Variants in ACER2 observed in about 807,000 individuals in gnomAD.
ACER2 encodes the protein alkaline ceramidase 2.
ACER2 carries 26 observed loss-of-function variants against 34.7 expected under a neutral mutation model. The ratio of observed to expected loss-of-function variants is 0.75; its 90% confidence interval spans 0.55 to 1.04. The LOEUF (loss-of-function observed/expected upper bound fraction) is 1.04, where lower values mean the gene tolerates loss of function less well. ACER2 is among the 50% of genes least tolerant of loss of function. The probability of loss-of-function intolerance (pLI) is 0.00; values close to 1 mark genes in which losing one functional copy is unlikely to be tolerated. For missense variants in ACER2, 352 were observed against 340.8 expected, an observed-to-expected ratio of 1.03 and a Z score of -0.26; for synonymous variants, 138 against 132.1, an observed-to-expected ratio of 1.04 and a Z score of -0.31.
At chr9:19,424,923 C>T in intron 3 of ACER2, 82 bp downstream of exon 3, 1 of 1,532,144 alleles carries the variant, frequency 6.5e-7, no homozygotes, top group East Asian at 2.3e-5. Flanking sequence ...AAAAATAGCA[C>T]ATGATTGAAC....
In ACER2 at chr9:19,413,671, C is replaced by G. The variant is rs565040436; in HGVS notation, c.108+4479C>G. Among the ~76,000 whole-genome samples the G allele has an allele frequency of 2.7e-4, 41 of 152,026 alleles. 1 individual carries two copies. The South Asian group carries it at 8.5e-3, about 32-fold the overall frequency. On this transcript the variant is annotated intron_variant, in intron 1 of 5. Transcript: ENST00000340967. ...AGACCTAGCCACTTTGGAGAAAAGC[C>G]GGGTCTGCCTTTTACCTGAGCTTGG...
intron 4 of ACER2, among the ~76,000 whole-genome samples, chr9:19,436,852 G>A (rs1314074873): frequency 6.6e-6 from 1 of 152,138 alleles, no homozygotes; most frequent in Admixed American, 6.5e-5. Context: ...CTTAGGCTGT[G>A]CTAATGGCCT....
At position 19,409,242 on chromosome 9, in the gene ACER2, G is replaced by A. The variant is rs565095485; in HGVS notation, c.108+50G>A. On this transcript the variant is annotated intron_variant, in intron 1 of 5. Transcript: ENST00000340967. The stretch of plus-strand genomic sequence containing the variant: ...GCAGGCGGGCCAGCGGGAGGGGGCT[G>A]TTCCCGCGCCGCAGCGTCTGGAAGC... 30 of 1,518,388 alleles carry A rather than the reference G, an allele frequency of 2.0e-5. No homozygotes were observed. In the South Asian group the frequency reaches 3.6e-4, roughly 18 times the overall value. The allele number at this position is 1,518,388 out of a possible 1,614,324, so 94.1% of individuals were successfully genotyped here. A position where few individuals can be genotyped will look rare whatever the true frequency, so the allele number is the denominator to read the frequency against.
At chr9:19,413,061 T>C (rs192494389) in intron 1 of ACER2, among the ~76,000 whole-genome samples, 173 of 152,352 alleles carry the variant, frequency 1.1e-3, no homozygotes, top group African/African-American at 3.8e-3. Context: ...TATTGTGAAA[T>C]GGCACACTAA....
chr9:19,437,343 T>C (rs1831009818), intron 4 of ACER2, among the ~76,000 whole-genome samples: 2 of 152,174 alleles, frequency 1.3e-5, no homozygotes, highest in South Asian at 4.1e-4. Context: ...TCTGACTCCA[T>C]TACACTTGAA....
chr9:19,418,733 T>C (rs1830314664), intron 1 of ACER2, among the ~76,000 whole-genome samples: 1 of 151,940 alleles, frequency 6.6e-6, no homozygotes, highest in Non-Finnish European at 1.5e-5. Flanking sequence ...TTAGGAGAAA[T>C]ACCTAATGTA....
At chr9:19,415,345 A>G (rs1382565639) in intron 1 of ACER2, among the ~76,000 whole-genome samples, 1 of 152,048 alleles carries the variant, frequency 6.6e-6, no homozygotes, top group African/African-American at 2.4e-5. Flanking sequence ...ACAAAAAATT[A>G]GATGGGCATG....
chr9:19,409,955 CTTGTGGTAGGGAAGGG>C (rs2132448219), intron 1 of ACER2: 1 of 984,914 alleles, frequency 1.0e-6, no homozygotes, highest in African/African-American at 1.7e-5. Flanking sequence ...GATTTTAGTT[CTTGTGGTAGGGAAGGG>C]TTGCAGCTGG....
chr9:19,449,568 C>G lies in ACER2; in HGVS notation c.642-882C>G, dbSNP rs374708030. On this transcript the variant is annotated intron_variant, in intron 5 of 5. Transcript: ENST00000340967. ...TAATTTTTAAAAAGATCCCCTCCTC[C>G]CCAACATCAAAGTTTATAAAAATAT... Among the ~76,000 whole-genome samples the G allele has an allele frequency of 5.1e-4, 77 of 152,138 alleles. 1 individual carries two copies. The South Asian group carries it at 0.014, about 28-fold the overall frequency.
chr9:19,434,415 G>T (rs1458945850), intron 3 of ACER2, among the ~76,000 whole-genome samples: 2 of 152,254 alleles, frequency 1.3e-5, no homozygotes, highest in Non-Finnish European at 2.9e-5. Context: ...GGGAGGCCAA[G>T]GCAGGCAGCT....
chr9:19,433,858 T>A (rs1191177815), intron 3 of ACER2, among the ~76,000 whole-genome samples: 3 of 139,728 alleles, frequency 2.1e-5, no homozygotes, highest in Non-Finnish European at 1.6e-5. Context: ...GTAGGGGCGG[T>A]CGGGCAGAGG....
intron 1 of ACER2, among the ~76,000 whole-genome samples, chr9:19,421,348 A>C (rs1446306212): frequency 6.6e-6 from 1 of 152,224 alleles, no homozygotes; most frequent in African/African-American, 2.4e-5. Flanking sequence ...AGCAACAATT[A>C]ATGTATGAAT....
At chr9:19,421,930 C>A (rs914936320) in intron 1 of ACER2, among the ~76,000 whole-genome samples, 5 of 152,098 alleles carry the variant, frequency 3.3e-5, no homozygotes, top group African/African-American at 9.7e-5. Context: ...CTAGCCCAAA[C>A]TGAGGCTTGT....
intron 5 of ACER2, among the ~76,000 whole-genome samples, chr9:19,447,804 T>C (rs1015227520): frequency 6.6e-5 from 10 of 152,168 alleles, no homozygotes; most frequent in African/African-American, 1.9e-4. Flanking sequence ...TCTTTCCAGT[T>C]ATAAAATGAC....
intron 4 of ACER2, among the ~76,000 whole-genome samples, chr9:19,444,536 G>C (rs1831282848): frequency 6.6e-6 from 1 of 152,168 alleles, no homozygotes; most frequent in Non-Finnish European, 1.5e-5. Flanking sequence ...TTTTAAGAAA[G>C]TTTACAAATT....
chr9:19,446,092 T>C, intron 4 of ACER2, 189 bp from the exon 5 acceptor site: 3 of 881,188 alleles, frequency 3.4e-6, no homozygotes, highest in South Asian at 1.3e-5. Flanking sequence ...GAAGGGTGTC[T>C]GTGAGCCATC....
intron 3 of ACER2, among the ~76,000 whole-genome samples, chr9:19,428,538 G>C (rs1362482594): frequency 6.6e-6 from 1 of 151,960 alleles, no homozygotes; most frequent in Non-Finnish European, 1.5e-5. Context: ...AGACAGGAGA[G>C]TGTGGTGGCT....
At chr9:19,444,145 C>G (rs1161606970) in intron 4 of ACER2, among the ~76,000 whole-genome samples, 1 of 113,144 alleles carries the variant, frequency 8.8e-6, no homozygotes. Context: ...CTAATGATAG[C>G]TGATGAGCTA....
intron 4 of ACER2, among the ~76,000 whole-genome samples, chr9:19,445,442 A>G (rs551705935): frequency 1.3e-5 from 2 of 152,374 alleles, no homozygotes; most frequent in Admixed American, 1.3e-4. Context: ...CAGGGAGGTT[A>G]TAATCACTAC....
Sources: allele counts gnomAD v4.1 joint callset (sites outside exome capture counted in the v4.1 genomes callset), GRCh38; gene constraint gnomAD v4.1.1; transcripts MANE v1.5; gene names NCBI Gene and HGNC (gene_info 2026-07-23, HGNC 2026-07-21).